DAGLB: variants seen among roughly 807,000 people sequenced by gnomAD.
The protein encoded by DAGLB is diacylglycerol lipase beta, also known as diacylglycerol lipase-beta.
A neutral mutation model predicts 72.1 loss-of-function variants in DAGLB; 66 were observed. The observed-to-expected ratio is 0.92, with a 90% CI of 0.75 to 1.12. The LOEUF is 1.12. DAGLB is among the 50% of genes most tolerant of loss of function. DAGLB has a pLI of 0.00. For synonymous variants in DAGLB, 414 were observed against 359.5 expected, an observed-to-expected ratio of 1.15 and a Z score of -1.71; for missense variants, 1,065 against 884.9, an observed-to-expected ratio of 1.20 and a Z score of -2.58.
chr7:6,428,707 G>T (rs376847197), intron 6 of DAGLB, among the ~76,000 whole-genome samples: 1 of 152,146 alleles, frequency 6.6e-6, no homozygotes, highest in African/African-American at 2.4e-5. Flanking sequence ...GGATGGTCTT[G>T]AACTCCTGAC....
chr7:6,419,532 G>A (rs1784038176), intron 9 of DAGLB, among the ~76,000 whole-genome samples: 2 of 152,186 alleles, frequency 1.3e-5, no homozygotes, highest in Admixed American at 6.5e-5. Flanking sequence ...CGTGGACAGC[G>A]TCAGAGCCAA....
intron 13 of DAGLB, chr7:6,412,564 G>A (rs1439429097): frequency 9.5e-6 from 5 of 528,126 alleles, no homozygotes; most frequent in Non-Finnish European, 1.7e-5. Flanking sequence ...GGGATTCCAG[G>A]CATACACCAC....
At chr7:6,433,878 C>T (rs1211107307) in intron 4 of DAGLB, among the ~76,000 whole-genome samples, 1 of 151,098 alleles carries the variant, frequency 6.6e-6, no homozygotes, top group Non-Finnish European at 1.5e-5. Context: ...AGACAATATA[C>T]TGGCCACTCA....
At chr7:6,431,352 T>C (rs751550937) in intron 5 of DAGLB, among the ~76,000 whole-genome samples, 2 of 152,114 alleles carry the variant, frequency 1.3e-5, no homozygotes, top group Non-Finnish European at 2.9e-5. Context: ...GCTGAACTGC[T>C]TCTGCCCCCA....
intron 13 of DAGLB, 88 bp from the exon 14 acceptor site, chr7:6,410,468 G>A: frequency 6.6e-7 from 1 of 1,508,002 alleles, no homozygotes; most frequent in Non-Finnish European, 8.9e-7. Context: ...CCAGGCACAG[G>A]AATCTGCCCT....
At position 6,437,688 on chromosome 7, in the gene DAGLB, G is replaced by A. The variant is rs186109596; in HGVS notation, c.248-1155C>T. On this transcript the variant is annotated intron_variant, in intron 2 of 14. Transcript: ENST00000297056. ...TTTTTAGATGGAGTCTCACTCTGTC[G>A]CCCAGGCTGGAGTGCAGTAGTGTGA... 1.8e-3 allele frequency among the ~76,000 whole-genome samples: 268 copies of A among 152,152 alleles called. 1 individual carries two copies. Among genetic ancestry groups the A allele is most frequent in the African/African-American group, 5.9e-3 (243 of 41,514 alleles).
chr7:6,413,180 G>A lies in DAGLB; in HGVS notation c.1428-146C>T, dbSNP rs1015106189. 70 of 832,650 alleles carry A rather than the reference G, an allele frequency of 8.4e-5. 2 individuals are homozygous for A. The highest frequency in any genetic ancestry group is 6.2e-4 in the South Asian group (36 of 58,028). 51.6% of individuals were successfully genotyped at this position (832,650 alleles called of 1,614,324 possible). Reference sequence around the variant, plus strand: ...TCTCTAAAGGGAGGGTAGGGGAAACGTCAGTTATGGCAACTCACTGGCCAG... The same window carrying A: ...TCTCTAAAGGGAGGGTAGGGGAAACATCAGTTATGGCAACTCACTGGCCAG... On this transcript the variant is annotated intron_variant, in intron 11 of 14. Coordinates refer to ENST00000297056, the MANE Select transcript of DAGLB (RefSeq NM_139179.4).
At chr7:6,441,452 C>G (rs1784830766) in intron 2 of DAGLB, among the ~76,000 whole-genome samples, 2 of 144,208 alleles carry the variant, frequency 1.4e-5, no homozygotes, top group African/African-American at 5.2e-5. Context: ...GAGTCTCACT[C>G]TGTCGTCCAG....
At chr7:6,418,747 C>CT (rs1437673739) in intron 9 of DAGLB, among the ~76,000 whole-genome samples, 2 of 151,880 alleles carry the variant, frequency 1.3e-5, no homozygotes, top group African/African-American at 4.8e-5. Context: ...TCACTGCAAG[C>CT]TCCACCTCCC....
Position 6,447,499 on chromosome 7 carries a change from C to T in DAGLB, c.95+249G>A, listed in dbSNP as rs926741686. Among the ~76,000 whole-genome samples, 5 of 152,206 alleles carry T rather than the reference C, an allele frequency of 3.3e-5. No homozygotes were observed. The South Asian group carries it at 8.3e-4, about 25-fold the overall frequency. On this transcript the variant is annotated intron_variant, in intron 1 of 14. Coordinates refer to ENST00000297056, the MANE Select transcript of DAGLB (RefSeq NM_139179.4). ...TGCTCGCGTCCTGCTGCGCGGACTT[C>T]GAAACCCCCTGTTTGTCCCCCGGGG...
Position 6,430,497 on chromosome 7 carries a change from G to A in DAGLB, c.912C>T (p.Cys304=). Residue 304 remains cysteine, a synonymous_variant, in exon 6 of 15, where the codon TGC becomes TGT. Coordinates refer to ENST00000297056, the MANE Select transcript of DAGLB (RefSeq NM_139179.4). The part of the protein sequence containing the change: ...YIYRNPLTGL[C]RIGGDCCRSR... The stretch of plus-strand genomic sequence containing the variant: ...CAACCCACCAGTCACCACCAATCCT[G>A]CACAGCCCCGTGAGGGGGTTTCTGT... 2.5e-6 allele frequency: 4 copies of A among 1,590,018 alleles called. No individual in the cohort carries two copies. The highest frequency in any genetic ancestry group is 1.7e-4 in the Middle Eastern group (1 of 5,950).
intron 3 of DAGLB, 35 bp from the exon 4 acceptor site, chr7:6,435,055 G>A (rs777448615): frequency 1.2e-6 from 2 of 1,604,864 alleles, no homozygotes; most frequent in South Asian, 2.2e-5. Context: ...CTCGGTGACT[G>A]CGGGCCCCAG....
In DAGLB at chr7:6,413,147, T is replaced by G. The variant is rs117352842; in HGVS notation, c.1428-113A>C. ...GTTAGGTTCCCAGGCCTCAGCTCTG[T>G]TCTCTCTTCTCTAAAGGGAGGGTAG... On this transcript the variant is annotated intron_variant, in intron 11 of 14. Coordinates refer to ENST00000297056, the MANE Select transcript of DAGLB (RefSeq NM_139179.4). 7.8e-5 allele frequency: 86 copies of G among 1,103,334 alleles called. No individual in the cohort carries two copies. The East Asian group carries it at 2.1e-3, about 27-fold the overall frequency. 68.3% of individuals were successfully genotyped at this position (1,103,334 alleles called of 1,614,324 possible). A position where few individuals can be genotyped will look rare whatever the true frequency, so the allele number is the denominator to read the frequency against.
chr7:6,447,481 G>A (rs1785046911), intron 1 of DAGLB, among the ~76,000 whole-genome samples: 1 of 152,172 alleles, frequency 6.6e-6, no homozygotes, highest in Non-Finnish European at 1.5e-5. Flanking sequence ...GGGTGCTCGC[G>A]TCCTGCTGCG....
chr7:6,444,953 TCAC>T (rs1471519430), intron 2 of DAGLB, among the ~76,000 whole-genome samples: 2 of 151,968 alleles, frequency 1.3e-5, no homozygotes, highest in African/African-American at 4.8e-5. Context: ...AGCTACCACT[TCAC>T]ATTCACTAGG....
At chr7:6,439,163 G>A (rs1333336083) in intron 2 of DAGLB, among the ~76,000 whole-genome samples, 2 of 151,428 alleles carry the variant, frequency 1.3e-5, no homozygotes, top group East Asian at 3.9e-4. Context: ...GCTGAGGCAA[G>A]AGAATTGCTT....
chr7:6,436,223 T>C, intron 3 of DAGLB, 139 bp downstream of exon 3: 1 of 1,071,992 alleles, frequency 9.3e-7, no homozygotes, highest in Non-Finnish European at 1.3e-6. Flanking sequence ...TAAATTTTCA[T>C]GAGTTACGCA....
At chr7:6,418,826 G>A (rs911387229) in intron 9 of DAGLB, among the ~76,000 whole-genome samples, 8 of 152,024 alleles carry the variant, frequency 5.3e-5, no homozygotes, top group East Asian at 3.9e-4. Context: ...CACCACGCCC[G>A]GCTAATTTTT....
chr7:6,442,010 G>T (rs1470999934), intron 2 of DAGLB, among the ~76,000 whole-genome samples: 1 of 152,034 alleles, frequency 6.6e-6, no homozygotes, highest in East Asian at 1.9e-4. Context: ...GCTGTGAGTG[G>T]AGACACAGCT....
Sources: allele counts gnomAD v4.1 joint callset (sites outside exome capture counted in the v4.1 genomes callset), GRCh38; gene constraint gnomAD v4.1.1; transcripts MANE v1.5; gene names NCBI Gene and HGNC (gene_info 2026-07-23, HGNC 2026-07-21).